Variants in SPOCK3 observed in about 807,000 individuals in gnomAD.
SPOCK3 encodes SPARC (osteonectin), cwcv and kazal like domains proteoglycan 3, also known as testican-3.
In SPOCK3, 30 loss-of-function variants were observed where a neutral mutation model predicts 56.6. The observed-to-expected ratio is 0.53, with a 90% confidence interval of 0.40 to 0.72. SPOCK3 has a LOEUF of 0.72. Among genes scored for constraint, SPOCK3 ranks in the 30% least tolerant of loss-of-function variants. The pLI is 0.00. For missense variants in SPOCK3, 527 were observed against 530.0 expected, an observed-to-expected ratio of 0.99 and a Z score of 0.06; for synonymous variants, 196 against 183.3, an observed-to-expected ratio of 1.07 and a Z score of -0.56.
intron 2 of SPOCK3, among the ~76,000 whole-genome samples, chr4:167,163,892 A>T (rs935292246): frequency 1.1e-4 from 17 of 152,138 alleles, no homozygotes; most frequent in Non-Finnish European, 7.4e-5. Context: ...GACAAGAGTT[A>T]TGATGTTTTT....
chr4:167,129,611 C>T (rs1033854602), intron 2 of SPOCK3, among the ~76,000 whole-genome samples: 8 of 151,790 alleles, frequency 5.3e-5, no homozygotes, highest in Non-Finnish European at 8.8e-5. Flanking sequence ...CCTTGTCACT[C>T]CAAATACAAT....
chr4:166,955,539 T>C (rs918672239), intron 4 of SPOCK3, among the ~76,000 whole-genome samples: 8 of 144,222 alleles, frequency 5.5e-5, no homozygotes, highest in Non-Finnish European at 9.1e-5. Flanking sequence ...TTAAATTTAA[T>C]ATTATTAAAT....
At chr4:166,849,572 T>C (rs1177107146) in intron 6 of SPOCK3, among the ~76,000 whole-genome samples, 1 of 152,216 alleles carries the variant, frequency 6.6e-6, no homozygotes, top group East Asian at 1.9e-4. Context: ...TTTACTATTA[T>C]AAAACATCTA....
At chr4:167,121,803 C>T (rs1039517747) in intron 2 of SPOCK3, among the ~76,000 whole-genome samples, 4 of 152,082 alleles carry the variant, frequency 2.6e-5, no homozygotes, top group Non-Finnish European at 4.4e-5. Flanking sequence ...CTCCTCGCAG[C>T]TTGGGGGCAC....
At chr4:166,825,423 T>G (rs1188693575) in intron 6 of SPOCK3, among the ~76,000 whole-genome samples, 1 of 152,062 alleles carries the variant, frequency 6.6e-6, no homozygotes, top group Non-Finnish European at 1.5e-5. Flanking sequence ...AGGGAACAAT[T>G]TTACACCGCT....
chr4:166,741,254 C>A (rs1439436414), intron 9 of SPOCK3, among the ~76,000 whole-genome samples: 1 of 152,134 alleles, frequency 6.6e-6, no homozygotes, highest in African/African-American at 2.4e-5. Flanking sequence ...AGGATTATAG[C>A]AATGCTAATT....
At position 167,166,938 on chromosome 4, in the gene SPOCK3, A is replaced by G. The variant is rs76768985; in HGVS notation, c.189+67047T>C. ...CGAATTACACTTATAGTGGAGTTCC[A>G]TGCCCTAAATATTTTTAAAGAACCA... On this transcript the variant is annotated intron_variant, in intron 2 of 10. Transcript: ENST00000357545. Among the ~76,000 whole-genome samples, 1,276 of 152,250 alleles carry G rather than the reference A, an allele frequency of 8.4e-3. 6 individuals are homozygous for G. The highest frequency in any genetic ancestry group is 0.013 in the Non-Finnish European group (860 of 67,992).
chr4:167,002,710 A>G lies in SPOCK3; in HGVS notation c.236-2247T>C, dbSNP rs541878551. 5.8e-4 allele frequency among the ~76,000 whole-genome samples: 89 copies of G among 152,220 alleles called. 3 individuals carry two copies. In the South Asian group the frequency reaches 0.018, roughly 30 times the overall value. On this transcript the variant is annotated intron_variant, in intron 3 of 10. Coordinates refer to ENST00000357545, the MANE Select transcript of SPOCK3 (RefSeq NM_001040159.2). ...TCACAGTTTGAATCATCATTAGGTA[A>G]AAAAAAGCTGTCTTCGAAATACTGC... is the stretch of plus-strand genomic sequence containing the variant.
chr4:166,998,961 A>T (rs965209095), intron 4 of SPOCK3, among the ~76,000 whole-genome samples: 2 of 152,170 alleles, frequency 1.3e-5, no homozygotes, highest in African/African-American at 4.8e-5. Flanking sequence ...CTAAGGAAAT[A>T]AATAGAAAAA....
At chr4:167,192,136 G>T (rs1732520683) in intron 2 of SPOCK3, among the ~76,000 whole-genome samples, 1 of 145,570 alleles carries the variant, frequency 6.9e-6, no homozygotes, top group Admixed American at 7.1e-5. Context: ...AATCTTATTT[G>T]TTCATAGTAT....
At chr4:167,031,561 T>C (rs1208558755) in intron 3 of SPOCK3, among the ~76,000 whole-genome samples, 2 of 151,790 alleles carry the variant, frequency 1.3e-5, no homozygotes, top group African/African-American at 4.8e-5. Context: ...AAGAGAAAAA[T>C]ATTTGAATTA....
intron 2 of SPOCK3, among the ~76,000 whole-genome samples, chr4:167,157,225 T>C (rs1429839444): frequency 6.6e-6 from 1 of 152,070 alleles, no homozygotes; most frequent in African/African-American, 2.4e-5. Context: ...CTATTATATT[T>C]TTGAGAACAA....
chr4:166,830,739 C>A (rs1029116542), intron 6 of SPOCK3, among the ~76,000 whole-genome samples: 1 of 150,738 alleles, frequency 6.6e-6, no homozygotes, highest in Non-Finnish European at 1.5e-5. Flanking sequence ...TCTCCCTCCC[C>A]GCCCCGCTCG....
chr4:167,162,194 C>T (rs1010254756), intron 2 of SPOCK3, among the ~76,000 whole-genome samples: 2 of 152,046 alleles, frequency 1.3e-5, no homozygotes, highest in African/African-American at 4.8e-5. Context: ...CAAAAAAATA[C>T]ACCAGTTTAT....
At position 166,889,041 on chromosome 4, in the gene SPOCK3, T is replaced by G. The variant is rs571768142; in HGVS notation, c.589+89A>C. The G allele has an allele frequency of 3.4e-5, 27 of 797,446 alleles. No individual in the cohort carries two copies. The African/African-American group carries it at 4.0e-4, about 12-fold the overall frequency. The allele number at this position is 797,446 out of a possible 1,614,324, so 49.4% of individuals were successfully genotyped here. On this transcript the variant is annotated intron_variant, in intron 6 of 10. Coordinates refer to ENST00000357545, the MANE Select transcript of SPOCK3 (RefSeq NM_001040159.2). ...TTGGGTATTTGTATAAAAACAAACT[T>G]CATTGTGTATTTAATGACAACATCT...
chr4:166,982,075 C>G (rs1339932874), intron 4 of SPOCK3, among the ~76,000 whole-genome samples: 19 of 152,168 alleles, frequency 1.2e-4, no homozygotes, highest in Admixed American at 1.2e-3. Flanking sequence ...CTGGCTGCAG[C>G]TGTGCCCAGG....
At chr4:167,197,634 T>C (rs1283219830) in intron 2 of SPOCK3, among the ~76,000 whole-genome samples, 1 of 150,778 alleles carries the variant, frequency 6.6e-6, no homozygotes, top group Non-Finnish European at 1.5e-5. Context: ...CCCACAAAAG[T>C]GGGAATAAAC....
At chr4:167,106,508 A>C (rs1354468993) in intron 2 of SPOCK3, among the ~76,000 whole-genome samples, 2 of 151,846 alleles carry the variant, frequency 1.3e-5, no homozygotes, top group African/African-American at 4.8e-5. Flanking sequence ...GAAAGTTTAT[A>C]AATATAAGTG....
At chr4:166,919,316 G>T (rs1738228564) in intron 4 of SPOCK3, among the ~76,000 whole-genome samples, 1 of 152,056 alleles carries the variant, frequency 6.6e-6, no homozygotes, top group South Asian at 2.1e-4. Flanking sequence ...AAAGAGAAGT[G>T]GATAATTTAT....
Sources: gnomAD v4.1 joint callset for allele counts (sites outside exome capture counted in the v4.1 genomes callset) on GRCh38, gnomAD v4.1.1 for gene constraint, MANE v1.5 for transcripts, NCBI Gene and HGNC (gene_info 2026-07-23, HGNC 2026-07-21) for gene names.